The following CNTN6 variants were observed in gnomAD, a reference collection of about 807,000 sequenced individuals.
The protein encoded by CNTN6 is contactin 6.
In CNTN6, 137 loss-of-function variants were observed where a neutral mutation model predicts 122.8. The observed-to-expected ratio is 1.12, with a 90% confidence interval of 0.97 to 1.29. CNTN6 has a LOEUF of 1.29. Ranked by LOEUF, CNTN6 falls within the 50% of genes most tolerant of loss-of-function variation. The pLI, the probability that CNTN6 is intolerant of heterozygous loss-of-function variation, is 0.00. For missense variants in CNTN6, 1,634 were observed against 1,223.4 expected (o/e 1.34, Z -5.01); for synonymous variants, 570 against 426.0 (o/e 1.34, Z -4.16).
At chr3:1,350,253 G>A (rs1024014998) in intron 11 of CNTN6, among the ~76,000 whole-genome samples, 1 of 151,642 alleles carries the variant, frequency 6.6e-6, no homozygotes, top group African/African-American at 2.4e-5. Context: ...CACATTTTGA[G>A]GAGTAAACAC....
intron 4 of CNTN6, among the ~76,000 whole-genome samples, chr3:1,266,201 C>T (rs954876653): frequency 1.3e-5 from 2 of 152,134 alleles, no homozygotes; most frequent in African/African-American, 4.8e-5. Context: ...CTTTCCCTCC[C>T]TCCCTTTATC....
chr3:1,347,143 T>C (rs1439276437), intron 11 of CNTN6, among the ~76,000 whole-genome samples: 2 of 152,204 alleles, frequency 1.3e-5, no homozygotes, highest in Admixed American at 1.3e-4. Flanking sequence ...AGACACAGCT[T>C]GTTCTTCTGA....
At chr3:1,265,005 C>G (rs1301429270) in intron 4 of CNTN6, among the ~76,000 whole-genome samples, 1 of 147,406 alleles carries the variant, frequency 6.8e-6, no homozygotes, top group Admixed American at 6.8e-5. Flanking sequence ...GCATAATGTC[C>G]TCCAGGTTCA....
At chr3:1,123,794 C>A (rs1223721075) in intron 1 of CNTN6, among the ~76,000 whole-genome samples, 1 of 151,946 alleles carries the variant, frequency 6.6e-6, no homozygotes, top group African/African-American at 2.4e-5. Flanking sequence ...CAGTCTTTTA[C>A]CATTGAGTAT....
intron 9 of CNTN6, 65 bp downstream of exon 9, chr3:1,326,016 A>G: frequency 2.2e-6 from 3 of 1,387,948 alleles, no homozygotes; most frequent in Non-Finnish European, 3.0e-6. Flanking sequence ...TACTAACAGT[A>G]CTAGTAACTA....
At chr3:1,198,897 G>C (rs1322537098) in intron 2 of CNTN6, among the ~76,000 whole-genome samples, 1 of 152,100 alleles carries the variant, frequency 6.6e-6, no homozygotes, top group Admixed American at 6.5e-5. Context: ...TTAAAACCTG[G>C]ATTTTGACTG....
chr3:1,156,621 TTCTTTCTTTC>T (rs2092969719), intron 2 of CNTN6, among the ~76,000 whole-genome samples: 3 of 151,748 alleles, frequency 2.0e-5, no homozygotes, highest in South Asian at 4.2e-4. Flanking sequence ...TTTCTTTTCT[TTCTTTCTTTC>T]TCTTTCTTTC....
intron 2 of CNTN6, among the ~76,000 whole-genome samples, chr3:1,205,984 A>G (rs2125450785): frequency 6.6e-6 from 1 of 152,298 alleles, no homozygotes; most frequent in South Asian, 2.1e-4. Flanking sequence ...AATGACCAAA[A>G]GTCATTTGCA....
chr3:1,299,153 T>C (rs1696782925), intron 7 of CNTN6, among the ~76,000 whole-genome samples: 2 of 152,158 alleles, frequency 1.3e-5, no homozygotes, highest in South Asian at 4.1e-4. Flanking sequence ...TCTCATAGCA[T>C]TTATCAAATA....
chr3:1,281,015 C>T (rs866262038), intron 5 of CNTN6, among the ~76,000 whole-genome samples: 9 of 152,312 alleles, frequency 5.9e-5, no homozygotes, highest in Middle Eastern at 3.4e-3. Flanking sequence ...AGAGCCCCAT[C>T]TCTTGTGAGG....
chr3:1,351,431 A>G (rs1348584980), intron 11 of CNTN6, among the ~76,000 whole-genome samples: 1 of 151,924 alleles, frequency 6.6e-6, no homozygotes, highest in East Asian at 1.9e-4. Context: ...AAAGGTTGGT[A>G]ACTACATTTG....
At chr3:1,169,970 C>G (rs1030767524) in intron 2 of CNTN6, among the ~76,000 whole-genome samples, 5 of 152,078 alleles carry the variant, frequency 3.3e-5, no homozygotes, top group Admixed American at 2.0e-4. Flanking sequence ...TGCGGTGGCT[C>G]ATGCCTGTAA....
At chr3:1,256,963 C>T (rs1429918181) in intron 4 of CNTN6, among the ~76,000 whole-genome samples, 1 of 152,092 alleles carries the variant, frequency 6.6e-6, no homozygotes, top group Admixed American at 6.6e-5. Context: ...TGATTAACAA[C>T]CTTTGAAAAA....
At chr3:1,325,767 T>C (rs200775984) in intron 8 of CNTN6, 48 bp from the exon 9 acceptor site, 607 of 1,593,172 alleles carry the variant, frequency 3.8e-4, no homozygotes, top group Admixed American at 7.5e-4. Context: ...CATAATGTCT[T>C]GGATAACTGC....
chr3:1,347,731 A>G (rs76271377), intron 11 of CNTN6, among the ~76,000 whole-genome samples: 5,198 of 152,266 alleles, frequency 0.034, 125 homozygotes, highest in South Asian at 0.057. Flanking sequence ...GCATTTAATT[A>G]ACTTTTACAG....
chr3:1,369,068 C>T (rs755550016), intron 12 of CNTN6, among the ~76,000 whole-genome samples: 9 of 152,108 alleles, frequency 5.9e-5, no homozygotes, highest in Non-Finnish European at 1.0e-4. Context: ...CGGAGTCTGC[C>T]GATCACAGTT....
chr3:1,204,639 T>A (rs2093933690), intron 2 of CNTN6, among the ~76,000 whole-genome samples: 1 of 152,202 alleles, frequency 6.6e-6, no homozygotes, highest in Non-Finnish European at 1.5e-5. Context: ...TCCCAGTTTA[T>A]CTCAAGCTTG....
intron 2 of CNTN6, among the ~76,000 whole-genome samples, chr3:1,187,239 T>C (rs1284566530): frequency 6.6e-6 from 1 of 152,172 alleles, no homozygotes; most frequent in Non-Finnish European, 1.5e-5. Flanking sequence ...TAATGAAGTA[T>C]GTTTTTTGTA....
intron 4 of CNTN6, among the ~76,000 whole-genome samples, chr3:1,277,122 CTAT>C (rs1357321879): frequency 6.6e-6 from 1 of 152,096 alleles, no homozygotes; most frequent in African/African-American, 2.4e-5. Context: ...GATAACAAGT[CTAT>C]TATTATGGGA....
Sources: gnomAD v4.1 joint callset for allele counts (sites outside exome capture counted in the v4.1 genomes callset) on GRCh38, gnomAD v4.1.1 for gene constraint, MANE v1.5 for transcripts, NCBI Gene and HGNC (gene_info 2026-07-23, HGNC 2026-07-21) for gene names.